Variants in ATXN1 observed in about 807,000 individuals in gnomAD.
ATXN1 encodes ataxin-1.
A neutral mutation model predicts 56.4 loss-of-function variants in ATXN1; 8 were observed. The observed-to-expected ratio is 0.14, with a 90% confidence interval of 0.08 to 0.26. The LOEUF is 0.26. Ranked by LOEUF, ATXN1 falls within the 10% of genes least tolerant of loss-of-function variation. ATXN1 has a pLI of 1.00. For missense variants in ATXN1, 987 were observed against 1,106.5 expected, an observed-to-expected ratio of 0.89 and a Z score of 1.53; for synonymous variants, 514 against 494.6, an observed-to-expected ratio of 1.04 and a Z score of -0.52.
rs571456103 is a variant in ATXN1 at position 16,360,867 on chromosome 6, G to C, written c.-160-32397C>G. Among the ~76,000 whole-genome samples, 27 of 152,172 alleles carry C rather than the reference G, an allele frequency of 1.8e-4. No individual in the cohort carries two copies. The East Asian group carries it at 5.2e-3, about 29-fold the overall frequency. The stretch of plus-strand genomic sequence containing the variant: ...CTCCATTATCCCAATACACCACTGG[G>C]GTCTTTCCCTGTATTCAGGAAGTGG... On this transcript the variant is annotated intron_variant, in intron 6 of 7. Coordinates refer to ENST00000436367, the MANE Select transcript of ATXN1 (RefSeq NM_001128164.2).
intron 6 of ATXN1, among the ~76,000 whole-genome samples, chr6:16,419,516 T>C (rs1190278671): frequency 6.6e-6 from 1 of 152,178 alleles, no homozygotes; most frequent in Non-Finnish European, 1.5e-5. Flanking sequence ...TTTCTTGTGA[T>C]ACAACCATGG....
intron 6 of ATXN1, among the ~76,000 whole-genome samples, chr6:16,468,177 A>T (rs1760144436): frequency 6.6e-6 from 1 of 151,984 alleles, no homozygotes; most frequent in East Asian, 1.9e-4. Context: ...TTTTATTATT[A>T]TTTTTATTTT....
At chr6:16,379,433 A>G (rs750380991) in intron 6 of ATXN1, among the ~76,000 whole-genome samples, 43 of 152,318 alleles carry the variant, frequency 2.8e-4, no homozygotes, top group Non-Finnish European at 4.9e-4. Context: ...TTAAGAAGTT[A>G]TTATTATGCC....
At chr6:16,370,070 C>T (rs939284657) in intron 6 of ATXN1, among the ~76,000 whole-genome samples, 42 of 152,238 alleles carry the variant, frequency 2.8e-4, no homozygotes, top group Admixed American at 6.5e-4. Flanking sequence ...GACTGTCGTT[C>T]AAAGCCCCTT....
At chr6:16,313,338 C>T (rs1235274214) in intron 7 of ATXN1, among the ~76,000 whole-genome samples, 1 of 152,108 alleles carries the variant, frequency 6.6e-6, no homozygotes, top group Non-Finnish European at 1.5e-5. Context: ...GAGGGTCACT[C>T]GAGCTACTGC....
At chr6:16,562,030 G>C (rs1194793707) in intron 4 of ATXN1, among the ~76,000 whole-genome samples, 4 of 152,134 alleles carry the variant, frequency 2.6e-5, no homozygotes, top group Admixed American at 2.0e-4. Flanking sequence ...AAGAAGAAAT[G>C]ATCAGAGCAG....
intron 3 of ATXN1, among the ~76,000 whole-genome samples, chr6:16,604,800 T>C (rs2113784043): frequency 6.6e-6 from 1 of 151,798 alleles, no homozygotes; most frequent in African/African-American, 2.4e-5. Context: ...TTGCCCAGGC[T>C]AGTCTCAAAC....
At chr6:16,660,832 G>GTTTTTTTTT (rs754718969) in intron 2 of ATXN1, among the ~76,000 whole-genome samples, 8 of 93,020 alleles carry the variant, frequency 8.6e-5, no homozygotes, top group African/African-American at 1.7e-4. Context: ...TTTTGTTTTG[G>GTTTTTTTTT]TTTTTTTTTT....
At chr6:16,346,592 G>A (rs1761394592) in intron 6 of ATXN1, among the ~76,000 whole-genome samples, 2 of 152,212 alleles carry the variant, frequency 1.3e-5, no homozygotes, top group African/African-American at 4.8e-5. Flanking sequence ...TGTCATGTTA[G>A]ACCGGGCTAA....
intron 2 of ATXN1, among the ~76,000 whole-genome samples, chr6:16,690,955 A>C (rs1348632960): frequency 2.6e-5 from 4 of 152,222 alleles, no homozygotes; most frequent in Non-Finnish European, 5.9e-5. Flanking sequence ...AAGCTCTGAA[A>C]ACTGAGAATG....
At chr6:16,352,965 T>C (rs1471517901) in intron 6 of ATXN1, among the ~76,000 whole-genome samples, 1 of 152,130 alleles carries the variant, frequency 6.6e-6, no homozygotes, top group African/African-American at 2.4e-5. Context: ...ACAGTGGATC[T>C]AAGCACCAAG....
At chr6:16,638,589 T>C (rs1251378065) in intron 3 of ATXN1, among the ~76,000 whole-genome samples, 3 of 152,072 alleles carry the variant, frequency 2.0e-5, no homozygotes, top group East Asian at 1.9e-4. Flanking sequence ...CCACAATGCA[T>C]GCACACATCA....
chr6:16,402,320 C>T (rs1480220186), intron 6 of ATXN1, among the ~76,000 whole-genome samples: 1 of 118,186 alleles, frequency 8.5e-6, no homozygotes, highest in Non-Finnish European at 1.6e-5. Context: ...TTCTCTAGAA[C>T]TCAGAATATA....
chr6:16,628,543 G>C (rs1011090868), intron 3 of ATXN1, among the ~76,000 whole-genome samples: 1 of 152,096 alleles, frequency 6.6e-6, no homozygotes, highest in African/African-American at 2.4e-5. Context: ...GGGGTTTGTT[G>C]TACAGATGGT....
intron 4 of ATXN1, among the ~76,000 whole-genome samples, chr6:16,571,016 C>T (rs1263829381): frequency 6.6e-6 from 1 of 152,136 alleles, no homozygotes; most frequent in Non-Finnish European, 1.5e-5. Context: ...AAAGCATGGC[C>T]TGATTTCCCA....
At chr6:16,581,228 C>CGT (rs1353438776) in intron 4 of ATXN1, among the ~76,000 whole-genome samples, 10 of 125,568 alleles carry the variant, frequency 8.0e-5, no homozygotes, top group African/African-American at 2.6e-4. Context: ...TGTGTGTGCG[C>CGT]GCGTGTGTGT....
intron 2 of ATXN1, among the ~76,000 whole-genome samples, chr6:16,668,069 C>T (rs1306323623): frequency 6.6e-6 from 1 of 152,186 alleles, no homozygotes; most frequent in African/African-American, 2.4e-5. Context: ...TTCTTAAAAC[C>T]TTCTAGAGAA....
intron 4 of ATXN1, among the ~76,000 whole-genome samples, chr6:16,567,806 A>G (rs146281479): frequency 6.6e-6 from 1 of 152,248 alleles, no homozygotes; most frequent in East Asian, 1.9e-4. Flanking sequence ...AAGGTGTGTA[A>G]ACTGCAAATT....
At chr6:16,487,139 G>A (rs1469011616) in intron 5 of ATXN1, among the ~76,000 whole-genome samples, 4 of 152,078 alleles carry the variant, frequency 2.6e-5, no homozygotes, top group African/African-American at 7.2e-5. Context: ...GCACACTTGA[G>A]GCAAAGGAAC....
Sources: gnomAD v4.1 joint callset for allele counts (sites outside exome capture counted in the v4.1 genomes callset) on GRCh38, gnomAD v4.1.1 for gene constraint, MANE v1.5 for transcripts, NCBI Gene and HGNC (gene_info 2026-07-23, HGNC 2026-07-21) for gene names.